NEDD4L: variants seen among roughly 807,000 people sequenced by gnomAD.
The protein encoded by NEDD4L is E3 ubiquitin-protein ligase NEDD4-like.
Under a neutral mutation model 148.9 loss-of-function variants are expected in NEDD4L, and 54 were observed. The ratio of observed to expected loss-of-function variants is 0.36; its 90% CI spans 0.29 to 0.45. The LOEUF (loss-of-function observed/expected upper bound fraction) is 0.45, where lower values mean the gene tolerates loss of function less well. NEDD4L is among the 20% of genes least tolerant of loss of function. The probability of loss-of-function intolerance (pLI) is 1.00; values close to 1 mark genes in which losing one functional copy is unlikely to be tolerated. For missense variants in NEDD4L, 856 were observed against 1,233.8 expected (o/e 0.69, Z 4.59); for synonymous variants, 433 against 440.7 (o/e 0.98, Z 0.22).
intron 1 of NEDD4L, among the ~76,000 whole-genome samples, chr18:58,119,856 C>T (rs997896232): frequency 2.6e-5 from 4 of 152,158 alleles, no homozygotes; most frequent in Admixed American, 1.3e-4. Context: ...TGGACATTGG[C>T]GGTTTGCTTA....
intron 1 of NEDD4L, among the ~76,000 whole-genome samples, chr18:58,059,657 G>C (rs1168116574): frequency 3.9e-5 from 6 of 152,288 alleles, no homozygotes; most frequent in African/African-American, 1.4e-4. Flanking sequence ...TTGTCACTTG[G>C]CTAGGTGTTG....
At chr18:58,180,846 A>C (rs2038779393) in intron 2 of NEDD4L, among the ~76,000 whole-genome samples, 1 of 152,238 alleles carries the variant, frequency 6.6e-6, no homozygotes. Flanking sequence ...GTTCATTAGA[A>C]GGCAGGTGTA....
chr18:58,237,587 T>C (rs1256119668), intron 2 of NEDD4L, among the ~76,000 whole-genome samples: 2 of 152,182 alleles, frequency 1.3e-5, no homozygotes, highest in Non-Finnish European at 2.9e-5. Flanking sequence ...TACCAAAAGA[T>C]AAGGGAACAA....
At chr18:58,249,732 G>A (rs2047673653) in intron 4 of NEDD4L, among the ~76,000 whole-genome samples, 1 of 152,308 alleles carries the variant, frequency 6.6e-6, no homozygotes, top group South Asian at 2.1e-4. Flanking sequence ...TTGCCATGAG[G>A]CCCATTATAA....
chr18:58,136,287 C>T (rs1008396208), intron 1 of NEDD4L, among the ~76,000 whole-genome samples: 6 of 152,072 alleles, frequency 3.9e-5, no homozygotes, highest in East Asian at 1.9e-4. Flanking sequence ...AACCCTGCTC[C>T]GCATCCTGCC....
chr18:58,178,889 A>G (rs1407687247), intron 2 of NEDD4L, among the ~76,000 whole-genome samples: 1 of 152,216 alleles, frequency 6.6e-6, no homozygotes, highest in Non-Finnish European at 1.5e-5. Context: ...ATGGTAGGAA[A>G]GTAGAGAAAC....
intron 5 of NEDD4L, among the ~76,000 whole-genome samples, chr18:58,292,683 C>T (rs533955855): frequency 2.0e-5 from 3 of 152,358 alleles, no homozygotes; most frequent in South Asian, 2.1e-4. Flanking sequence ...TGCCTTTTCT[C>T]ATCCCCTTAT....
chr18:58,107,192 T>C (rs1263916385), intron 1 of NEDD4L, among the ~76,000 whole-genome samples: 4 of 152,176 alleles, frequency 2.6e-5, no homozygotes, highest in South Asian at 2.1e-4. Flanking sequence ...TCTTAACTTA[T>C]TTACTCCTTT....
At chr18:58,121,052 A>G (rs915631893) in intron 1 of NEDD4L, among the ~76,000 whole-genome samples, 2 of 152,228 alleles carry the variant, frequency 1.3e-5, no homozygotes, top group African/African-American at 4.8e-5. Context: ...TAATTTAGCC[A>G]AAGGAAGACA....
At chr18:58,182,092 G>A (rs959590288) in intron 2 of NEDD4L, among the ~76,000 whole-genome samples, 1 of 152,096 alleles carries the variant, frequency 6.6e-6, no homozygotes, top group Middle Eastern at 3.2e-3. Context: ...GGATGCTTGA[G>A]TTTTGTTTTT....
At chr18:58,096,163 C>A (rs544417114) in intron 1 of NEDD4L, among the ~76,000 whole-genome samples, 11 of 152,034 alleles carry the variant, frequency 7.2e-5, no homozygotes, top group Non-Finnish European at 1.5e-5. Flanking sequence ...GTGTGTGGCT[C>A]TTTTCCTTTA....
intron 18 of NEDD4L, among the ~76,000 whole-genome samples, chr18:58,354,667 G>A (rs1601623347): frequency 6.6e-6 from 1 of 152,174 alleles, no homozygotes; most frequent in African/African-American, 2.4e-5. Flanking sequence ...GGTAGAGAGG[G>A]GATTGCAAAG....
intron 1 of NEDD4L, among the ~76,000 whole-genome samples, chr18:58,075,228 C>T (rs895869341): frequency 6.6e-6 from 1 of 152,132 alleles, no homozygotes; most frequent in Non-Finnish European, 1.5e-5. Context: ...CTTGCTCTGT[C>T]GCCTTCGCCT....
At chr18:58,298,678 C>T (rs1380650561) in intron 5 of NEDD4L, among the ~76,000 whole-genome samples, 1 of 152,142 alleles carries the variant, frequency 6.6e-6, no homozygotes, top group African/African-American at 2.4e-5. Flanking sequence ...TAGTGCAGCA[C>T]TTCTAAGTAA....
intron 2 of NEDD4L, among the ~76,000 whole-genome samples, chr18:58,245,151 G>A (rs2047106475): frequency 1.3e-5 from 2 of 152,284 alleles, no homozygotes; most frequent in South Asian, 4.1e-4. Context: ...AACAAAATCT[G>A]TGTGCGTTTT....
At chr18:58,285,466 T>C (rs1297112808) in intron 5 of NEDD4L, among the ~76,000 whole-genome samples, 2 of 152,156 alleles carry the variant, frequency 1.3e-5, no homozygotes, top group African/African-American at 4.8e-5. Flanking sequence ...GTAGCTTGGA[T>C]TACAGGCATG....
chr18:58,276,708 A>G (rs997269412), intron 5 of NEDD4L, among the ~76,000 whole-genome samples: 1 of 149,602 alleles, frequency 6.7e-6, no homozygotes, highest in African/African-American at 2.5e-5. Flanking sequence ...TATTATTATT[A>G]TTATTAATAA....
chr18:58,220,934 C>A (rs759857652), intron 2 of NEDD4L, among the ~76,000 whole-genome samples: 1 of 152,124 alleles, frequency 6.6e-6, no homozygotes. Flanking sequence ...CTGGCACCTT[C>A]AAGGCCCTGA....
At chr18:58,303,762 T>C (rs1448193931) in intron 5 of NEDD4L, among the ~76,000 whole-genome samples, 1 of 152,202 alleles carries the variant, frequency 6.6e-6, no homozygotes, top group Non-Finnish European at 1.5e-5. Context: ...CACTAAGAAA[T>C]AGTGGAAACA....
Sources: allele counts gnomAD v4.1 joint callset (sites outside exome capture counted in the v4.1 genomes callset), GRCh38; gene constraint gnomAD v4.1.1; transcripts MANE v1.5; gene names NCBI Gene and HGNC (gene_info 2026-07-23, HGNC 2026-07-21).